Variants in DPH6 observed in about 807,000 individuals in gnomAD.
DPH6 encodes the protein diphthine--ammonia ligase.
Under a neutral mutation model 38.2 loss-of-function variants are expected in DPH6, and 33 were observed. The ratio of observed to expected loss-of-function variants is 0.86; its 90% CI spans 0.65 to 1.15. The LOEUF is 1.15. Among genes scored for constraint, DPH6 ranks in the 50% most tolerant of loss-of-function variants. DPH6 has a pLI of 0.00. For synonymous variants in DPH6, 108 were observed against 103.0 expected, an observed-to-expected ratio of 1.05 and a Z score of -0.30; for missense variants, 325 against 320.0, an observed-to-expected ratio of 1.02 and a Z score of -0.12.
chr15:35,473,935 TGTGTGTGTGTGTGTGTGTGTGTGCGC>T lies in DPH6; in HGVS notation c.313-19141_313-19116del, dbSNP rs796920163. On this transcript the variant is annotated intron_variant, in intron 3 of 8. Coordinates refer to ENST00000256538, the MANE Select transcript of DPH6 (RefSeq NM_080650.4). ...CACAGTGTGTGTGTGTGTGTGTGTG[TGTGTGTGTGTGTGTGTGTGTGTGCGC>T]GCGCGCGCGTGAGCTTTTGTAGACA... 5.1e-3 allele frequency among the ~76,000 whole-genome samples: 466 copies of T among 91,806 alleles called. 4 individuals are homozygous for T. In the East Asian group the frequency reaches 0.066, roughly 13 times the overall value. 60.2% of individuals were successfully genotyped at this position (91,806 alleles called of 152,430 possible).
At chr15:35,183,229 T>A in the DPH6 span, among the ~76,000 whole-genome samples, 2 of 152,176 alleles carry the variant, frequency 1.3e-5, no homozygotes, top group Non-Finnish European at 2.9e-5. Flanking sequence ...ATAGTAAGAA[T>A]GAAACAGGTT....
chr15:35,517,817 T>C (rs924944580), intron 3 of DPH6, among the ~76,000 whole-genome samples: 2 of 152,100 alleles, frequency 1.3e-5, no homozygotes, highest in Non-Finnish European at 2.9e-5. Flanking sequence ...ATCAGGTCAT[T>C]TGAAGTGTCT....
chr15:35,475,810 GATA>G (rs939595542), intron 3 of DPH6, among the ~76,000 whole-genome samples: 1 of 151,450 alleles, frequency 6.6e-6, no homozygotes, highest in African/African-American at 2.4e-5. Flanking sequence ...GCCGAGCAAA[GATA>G]ATAATAGTAA....
intron 3 of DPH6, among the ~76,000 whole-genome samples, chr15:35,496,591 T>TATATATATATATATATATA (rs1595417564): frequency 8.3e-6 from 1 of 119,864 alleles, no homozygotes; most frequent in Non-Finnish European, 1.7e-5. Flanking sequence ...TATATATATA[T>TATATATATATATATATATA]CCTCTACCAA....
At chr15:35,392,047 G>A (rs117508056) in intron 6 of DPH6, among the ~76,000 whole-genome samples, 2,615 of 152,238 alleles carry the variant, frequency 0.017, 37 homozygotes, top group South Asian at 0.033. Context: ...TGAAAATTGG[G>A]TTGCCATCTA....
chr15:35,359,695 C>T (rs1409342492), intron 3 of DPH6, among the ~76,000 whole-genome samples: 1 of 152,168 alleles, frequency 6.6e-6, no homozygotes, highest in Non-Finnish European at 1.5e-5. Context: ...GCCACTTCTG[C>T]AGTTGGGGCA....
chr15:35,258,865 T>C (rs1349577060), intron 3 of DPH6, among the ~76,000 whole-genome samples: 1 of 151,878 alleles, frequency 6.6e-6, no homozygotes, highest in Non-Finnish European at 1.5e-5. Flanking sequence ...ATTCCTACTA[T>C]GGGCCGGGCA....
In DPH6 at chr15:35,371,327, A is replaced by T. The variant is rs1291764963; in HGVS notation, c.*823T>A. 6.5e-6 allele frequency: 1 copy of T among 153,342 alleles called. No homozygotes were observed. Among genetic ancestry groups the T allele is most frequent in the Non-Finnish European group, 1.4e-5 (1 of 69,236 alleles). 9.5% of individuals were successfully genotyped at this position (153,342 alleles called of 1,614,324 possible). A position where few individuals can be genotyped will look rare whatever the true frequency, so the allele number is the denominator to read the frequency against. ...AACCCATATTATGTACAACACCAAG[A>T]GTGAACCCTCACGTAAACTATGGAC... On this transcript the variant is annotated 3_prime_UTR_variant, in exon 9 of 9. Coordinates refer to ENST00000256538, the MANE Select transcript of DPH6 (RefSeq NM_080650.4).
At chr15:35,427,528 A>G (rs911523547) in intron 5 of DPH6, among the ~76,000 whole-genome samples, 3 of 151,906 alleles carry the variant, frequency 2.0e-5, no homozygotes, top group Admixed American at 6.6e-5. Flanking sequence ...TCTTGGTGAT[A>G]ATGGAGAAAC....
At chr15:35,436,509 C>CAAA (rs1491101707) in intron 5 of DPH6, among the ~76,000 whole-genome samples, 3,681 of 107,564 alleles carry the variant, frequency 0.034, 304 homozygotes, top group East Asian at 0.099. Context: ...CAAAACAAAA[C>CAAA]AAAACAAAAA....
intron 3 of DPH6, chr15:35,490,097 G>C (rs962278452): frequency 2.0e-6 from 2 of 985,198 alleles, no homozygotes; most frequent in African/African-American, 3.5e-5. Flanking sequence ...ATCTCTTCCA[G>C]GCTCACCAGC....
At chr15:35,274,400 C>A (rs1273246909) in intron 3 of DPH6, among the ~76,000 whole-genome samples, 1 of 152,130 alleles carries the variant, frequency 6.6e-6, no homozygotes, top group Non-Finnish European at 1.5e-5. Context: ...CAAATGGGAT[C>A]TAATCAAACT....
intron 3 of DPH6, among the ~76,000 whole-genome samples, chr15:35,351,936 T>C (rs1305789653): frequency 1.3e-5 from 2 of 152,048 alleles, no homozygotes; most frequent in African/African-American, 2.4e-5. Context: ...CCCATACTGG[T>C]CTCAAACTCC....
At position 35,370,951 on chromosome 15, in the gene DPH6, G is replaced by A. The variant is rs1197797718; in HGVS notation, c.*1199C>T. On this transcript the variant is annotated 3_prime_UTR_variant, in exon 9 of 9. Coordinates refer to ENST00000256538, the MANE Select transcript of DPH6 (RefSeq NM_080650.4). ...AAGCAACTGAGATGTTCTTCAATAGGTGCATGGACAAATGAAATGTGGTAG... is the reference window on the plus strand; with the variant it reads ...AAGCAACTGAGATGTTCTTCAATAGATGCATGGACAAATGAAATGTGGTAG... 1 of 151,396 alleles carries A rather than the reference G, an allele frequency of 6.6e-6. No individual in the cohort carries two copies. Among genetic ancestry groups the A allele is most frequent in the Non-Finnish European group, 1.5e-5 (1 of 67,640 alleles). The allele number at this position is 151,396 out of a possible 1,614,324, so 9.4% of individuals were successfully genotyped here. A position where few individuals can be genotyped will look rare whatever the true frequency, so the allele number is the denominator to read the frequency against.
chr15:35,507,781 C>A (rs1368590710), intron 3 of DPH6, among the ~76,000 whole-genome samples: 1 of 151,954 alleles, frequency 6.6e-6, no homozygotes, highest in East Asian at 1.9e-4. Context: ...GACTGTCATA[C>A]TCTGGTTGGG....
intron 5 of DPH6, among the ~76,000 whole-genome samples, chr15:35,435,348 T>G (rs552927466): frequency 6.6e-6 from 1 of 152,170 alleles, no homozygotes; most frequent in Non-Finnish European, 1.5e-5. Context: ...GACAATCAAA[T>G]GTAGACAACT....
intron 3 of DPH6, chr15:35,299,082 G>A (rs1429786493): frequency 2.6e-6 from 2 of 773,302 alleles, no homozygotes; most frequent in African/African-American, 1.7e-5. Flanking sequence ...TCCAGCTCCC[G>A]CTGTCTTTGT....
At chr15:35,187,479 G>A in the DPH6 span, among the ~76,000 whole-genome samples, 2 of 152,142 alleles carry the variant, frequency 1.3e-5, no homozygotes, top group Non-Finnish European at 2.9e-5. Flanking sequence ...TTGTTTATAC[G>A]TTGGGGAATA....
chr15:35,194,379 G>GAGAGAA, the DPH6 span, among the ~76,000 whole-genome samples: 1 of 151,454 alleles, frequency 6.6e-6, no homozygotes, highest in African/African-American at 2.4e-5. Context: ...CAGAGAGAGA[G>GAGAGAA]AGAGAGAGAG....
Sources: allele counts gnomAD v4.1 joint callset (sites outside exome capture counted in the v4.1 genomes callset), GRCh38; gene constraint gnomAD v4.1.1; transcripts MANE v1.5; gene names NCBI Gene and HGNC (gene_info 2026-07-23, HGNC 2026-07-21).